TSHZ2: variants seen among roughly 807,000 people sequenced by gnomAD.
TSHZ2 encodes teashirt zinc finger homeobox 2, also known as teashirt homolog 2.
Under a neutral mutation model 74.4 loss-of-function variants are expected in TSHZ2, and 21 were observed. The observed-to-expected ratio is 0.28, with a 90% CI of 0.20 to 0.41. The LOEUF is 0.41. TSHZ2 is among the 10% of genes least tolerant of loss of function. The probability of loss-of-function intolerance (pLI) is 1.00; values close to 1 mark genes in which losing one functional copy is unlikely to be tolerated. For missense variants in TSHZ2, 1,244 were observed against 1,293.5 expected (o/e 0.96, Z 0.59); for synonymous variants, 540 against 515.3 (o/e 1.05, Z -0.65).
Position 53,489,167 on chromosome 20 carries a change from A to G in TSHZ2, c.*2032A>G, listed in dbSNP as rs1369987046. The G allele has an allele frequency of 2.2e-6, 1 of 456,304 alleles. No individual in the cohort carries two copies. Among genetic ancestry groups the G allele is most frequent in the Non-Finnish European group, 4.4e-6 (1 of 226,974 alleles). 28.3% of individuals were successfully genotyped at this position (456,304 alleles called of 1,614,324 possible). A position where few individuals can be genotyped will look rare whatever the true frequency, so the allele number is the denominator to read the frequency against. On this transcript the variant is annotated 3_prime_UTR_variant, in exon 3 of 3. Transcript: ENST00000371497. ...GCTTTTATGGGATTTACTCATGGGC[A>G]TAGGGAATAGCGGCTCAAATGTAGT...
At chr20:53,182,109 TCCTTCCTC>T (rs1345767221) in intron 1 of TSHZ2, among the ~76,000 whole-genome samples, 3 of 151,352 alleles carry the variant, frequency 2.0e-5, no homozygotes, top group Non-Finnish European at 4.4e-5. Flanking sequence ...CTTCCTTCCT[TCCTTCCTC>T]CCTTCTTTCT....
At chr20:53,163,542 C>T (rs1045310956) in intron 1 of TSHZ2, among the ~76,000 whole-genome samples, 69 of 151,526 alleles carry the variant, frequency 4.6e-4, no homozygotes, top group African/African-American at 1.2e-3. Flanking sequence ...CATGCTGGTG[C>T]GCTGCACCCA....
At position 53,306,846 on chromosome 20, in the gene TSHZ2, G is replaced by T. The variant is rs112495888; in HGVS notation, c.*8+50275G>T. Among the ~76,000 whole-genome samples, 41 of 152,266 alleles carry T rather than the reference G, an allele frequency of 2.7e-4. 2 individuals are homozygous for T. Among genetic ancestry groups the T allele is most frequent in the Middle Eastern group, 3.4e-3 (1 of 294 alleles). On this transcript the variant is annotated intron_variant, in intron 2 of 2. Transcript: ENST00000371497. ...ACTAATCCCATTAAACAACAGAAAA[G>T]TTTCCCTAATGCCAAATCTACTGGT... is the stretch of plus-strand genomic sequence containing the variant.
chr20:53,153,171 GA>G (rs1987714222), intron 1 of TSHZ2, among the ~76,000 whole-genome samples: 1 of 152,202 alleles, frequency 6.6e-6, no homozygotes, highest in Non-Finnish European at 1.5e-5. Flanking sequence ...TGATAAGAGA[GA>G]AAAGAATATC....
At chr20:53,182,655 A>G (rs1988509240) in intron 1 of TSHZ2, among the ~76,000 whole-genome samples, 1 of 152,202 alleles carries the variant, frequency 6.6e-6, no homozygotes, top group Non-Finnish European at 1.5e-5. Flanking sequence ...GGTAATCTGA[A>G]CTTCTCTCTT....
chr20:53,126,715 G>A (rs942043495), intron 1 of TSHZ2, among the ~76,000 whole-genome samples: 1 of 152,114 alleles, frequency 6.6e-6, no homozygotes, highest in African/African-American at 2.4e-5. Flanking sequence ...AAACAAAATA[G>A]CATATTTTAC....
chr20:53,351,004 A>G (rs1980625468), intron 2 of TSHZ2, among the ~76,000 whole-genome samples: 1 of 152,238 alleles, frequency 6.6e-6, no homozygotes, highest in African/African-American at 2.4e-5. Context: ...GGTTCCAGCC[A>G]TAATTTTTGG....
chr20:53,395,111 A>G (rs1982402084), intron 2 of TSHZ2, among the ~76,000 whole-genome samples: 1 of 152,224 alleles, frequency 6.6e-6, no homozygotes, highest in Admixed American at 6.5e-5. Flanking sequence ...CAAAGGTGAA[A>G]TGATAAAAAG....
chr20:53,175,840 C>T (rs925831586), intron 1 of TSHZ2, among the ~76,000 whole-genome samples: 1 of 152,222 alleles, frequency 6.6e-6, no homozygotes, highest in Non-Finnish European at 1.5e-5. Flanking sequence ...TGCATTCATT[C>T]AGCTAAACTT....
At chr20:53,331,702 C>G (rs11697865) in intron 2 of TSHZ2, among the ~76,000 whole-genome samples, 1 of 150,308 alleles carries the variant, frequency 6.7e-6, no homozygotes, top group East Asian at 1.9e-4. Context: ...TAGTCAGAGT[C>G]CCCTAAGGAG....
In TSHZ2 at chr20:53,469,829, AGAGGGAGGAAGGGAGG is replaced by A. The variant is rs536359164; in HGVS notation, c.*9-17302_*9-17287del. 1.2e-4 allele frequency among the ~76,000 whole-genome samples: 16 copies of A among 128,452 alleles called. No individual in the cohort carries two copies. In the South Asian group the frequency reaches 1.7e-3, roughly 13 times the overall value. The allele number at this position is 128,452 out of a possible 152,430, so 84.3% of individuals were successfully genotyped here. ...GGACCCAACAAAGATAGAGAAAGAG[AGAGGGAGGAAGGGAGG>A]GAGGGAGGAAGGAAGGAAGGACCCA... On this transcript the variant is annotated intron_variant, in intron 2 of 2. Coordinates refer to ENST00000371497, the MANE Select transcript of TSHZ2 (RefSeq NM_173485.6).
intron 2 of TSHZ2, among the ~76,000 whole-genome samples, chr20:53,409,148 G>C (rs1179667744): frequency 2.0e-5 from 3 of 152,108 alleles, no homozygotes; most frequent in Admixed American, 2.0e-4. Flanking sequence ...TAACAGAAGG[G>C]GGGATGTGAA....
chr20:53,069,207 G>A (rs1985091236), intron 1 of TSHZ2, among the ~76,000 whole-genome samples: 1 of 152,138 alleles, frequency 6.6e-6, no homozygotes, highest in Non-Finnish European at 1.5e-5. Context: ...TCCCAAGAAG[G>A]ATAAATGTGT....
chr20:53,489,520 G>A lies in TSHZ2; in HGVS notation c.*2385G>A, dbSNP rs1350588280. On this transcript the variant is annotated 3_prime_UTR_variant, in exon 3 of 3. Coordinates refer to ENST00000371497, the MANE Select transcript of TSHZ2 (RefSeq NM_173485.6). ...ATCTCACTGCAACCATCCAAAAGTG[G>A]ATTCTCGAGCCCTTGCTCCAATGGG... 4.6e-6 allele frequency: 1 copy of A among 216,998 alleles called. No homozygotes were observed. The highest frequency in any genetic ancestry group is 9.4e-6 in the Non-Finnish European group (1 of 106,722). 13.4% of individuals were successfully genotyped at this position (216,998 alleles called of 1,614,324 possible).
intron 2 of TSHZ2, among the ~76,000 whole-genome samples, chr20:53,470,124 G>C (rs993630749): frequency 5.9e-5 from 9 of 152,166 alleles, no homozygotes; most frequent in African/African-American, 1.9e-4. Context: ...CTCAGTCTCT[G>C]TTGTCAACGC....
Position 53,255,209 on chromosome 20 carries a change from T to C in TSHZ2, c.1751T>C (p.Val584Ala), listed in dbSNP as rs1451202909. Residue 584 changes from valine (V) to alanine (A), a missense_variant, in exon 2 of 3, where the codon GTG becomes GCG. Val to Ala is a moderately conservative substitution (Grantham distance 64). This residue lies in a region of TSHZ2 where 562 missense variants were observed against 544.0 expected (regional missense o/e 1.03). Transcript: ENST00000371497. The surrounding 1 kb of genome is among the most constrained non-coding windows in gnomAD (Gnocchi z 4.1). The stretch of plus-strand genomic sequence containing the variant: ...AGGCCCATTGCACCAAAGTGGAAAG[T>C]GATGCCACTGGTTTCTATGCCCACA... The part of the protein sequence containing the change: ...KLRPIAPKWK[V>A]MPLVSMPTHL... 1 of 1,614,160 alleles carries C rather than the reference T, an allele frequency of 6.2e-7. No homozygotes were observed. The highest frequency in any genetic ancestry group is 1.7e-5 in the Admixed American group (1 of 60,028).
chr20:53,057,192 C>CT (rs918639041), intron 1 of TSHZ2, among the ~76,000 whole-genome samples: 15 of 152,326 alleles, frequency 9.8e-5, no homozygotes, highest in African/African-American at 3.6e-4. Flanking sequence ...TGTTAAACCT[C>CT]TTTTTCTTTG....
intron 2 of TSHZ2, among the ~76,000 whole-genome samples, chr20:53,302,904 C>T (rs1053647003): frequency 6.6e-6 from 1 of 152,196 alleles, no homozygotes; most frequent in Non-Finnish European, 1.5e-5. Flanking sequence ...GGAAACCACA[C>T]CCTCCACGGC....
chr20:53,396,020 C>G (rs774734532), intron 2 of TSHZ2, among the ~76,000 whole-genome samples: 10 of 152,212 alleles, frequency 6.6e-5, no homozygotes, highest in African/African-American at 1.2e-4. Context: ...ACTGCAGGCT[C>G]CTCTTCCCAG....
Sources: gnomAD v4.1 joint callset for allele counts (sites outside exome capture counted in the v4.1 genomes callset) on GRCh38, gnomAD v4.1.1 for gene constraint, gnomAD v4.1.1 regional missense constraint, Gnocchi (gnomAD v3.1) non-coding constraint, MANE v1.5 for transcripts, NCBI Gene and HGNC (gene_info 2026-07-23, HGNC 2026-07-21) for gene names.